The following SLC16A10 variants were observed in gnomAD, a reference collection of about 807,000 sequenced individuals.
SLC16A10 encodes the protein solute carrier family 16 member 10.
A neutral mutation model predicts 40.0 loss-of-function variants in SLC16A10; 27 were observed. The observed-to-expected ratio is 0.67, with a 90% confidence interval of 0.50 to 0.93. The LOEUF (loss-of-function observed/expected upper bound fraction) is 0.93, where lower values mean the gene tolerates loss of function less well. Among genes scored for constraint, SLC16A10 ranks in the 40% least tolerant of loss-of-function variants. The pLI, the probability that SLC16A10 is intolerant of heterozygous loss-of-function variation, is 0.00. For missense variants in SLC16A10, 529 were observed against 658.2 expected (o/e 0.80, Z 2.15); for synonymous variants, 213 against 249.8 (o/e 0.85, Z 1.39).
intron 1 of SLC16A10, among the ~76,000 whole-genome samples, chr6:111,146,736 C>CAA (rs58677368): frequency 5.2e-5 from 7 of 134,066 alleles, no homozygotes; most frequent in Non-Finnish European, 8.0e-5. Context: ...GACTCCGTCT[C>CAA]AAAAAAAAAA....
intron 1 of SLC16A10, among the ~76,000 whole-genome samples, chr6:111,160,307 C>T (rs1044301327): frequency 3.3e-5 from 5 of 152,188 alleles, no homozygotes; most frequent in Non-Finnish European, 5.9e-5. Flanking sequence ...AGTGCAGTCT[C>T]AGCTCACTGC....
At chr6:111,123,483 G>T (rs896370540) in intron 1 of SLC16A10, among the ~76,000 whole-genome samples, 3 of 152,194 alleles carry the variant, frequency 2.0e-5, no homozygotes, top group African/African-American at 4.8e-5. Flanking sequence ...CTAGACAAGG[G>T]TCTTTGTCTG....
chr6:111,178,726 A>T (rs1386513332), intron 3 of SLC16A10: 1 of 205,010 alleles, frequency 4.9e-6, no homozygotes, highest in Admixed American at 6.1e-5. Flanking sequence ...TATGTTTGTG[A>T]ACTTGGATTT....
intron 4 of SLC16A10, among the ~76,000 whole-genome samples, chr6:111,215,193 A>G (rs1478840438): frequency 6.6e-6 from 1 of 152,196 alleles, no homozygotes; most frequent in East Asian, 1.9e-4. Flanking sequence ...CTTTTACTTG[A>G]ATAATTTTTA....
intron 1 of SLC16A10, among the ~76,000 whole-genome samples, chr6:111,102,394 A>G (rs546609330): frequency 1.2e-4 from 18 of 152,322 alleles, no homozygotes; most frequent in African/African-American, 4.1e-4. Context: ...ATTTTTTAAA[A>G]GTAGTTTAAA....
intron 5 of SLC16A10, among the ~76,000 whole-genome samples, chr6:111,219,831 G>A (rs1001937814): frequency 5.9e-5 from 9 of 152,124 alleles, no homozygotes; most frequent in African/African-American, 2.2e-4. Flanking sequence ...TGTAATCCCA[G>A]CACTTTGAGA....
intron 1 of SLC16A10, among the ~76,000 whole-genome samples, chr6:111,128,233 C>T (rs1299141997): frequency 2.0e-5 from 3 of 152,078 alleles, no homozygotes; most frequent in Admixed American, 6.6e-5. Flanking sequence ...TGAGTGCTTA[C>T]GAAGAGCCAG....
intron 3 of SLC16A10, among the ~76,000 whole-genome samples, chr6:111,193,485 G>GT (rs1298436575): frequency 6.6e-6 from 1 of 152,104 alleles, no homozygotes; most frequent in Admixed American, 6.6e-5. Flanking sequence ...AAACAAGCTT[G>GT]TTTTTTCTTT....
chr6:111,203,293 G>A (rs1285084247), intron 3 of SLC16A10, among the ~76,000 whole-genome samples: 4 of 152,164 alleles, frequency 2.6e-5, no homozygotes, highest in Non-Finnish European at 4.4e-5. Context: ...AAAGGATCCA[G>A]AGATCCAGCA....
intron 3 of SLC16A10, among the ~76,000 whole-genome samples, chr6:111,205,015 G>A (rs1228957924): frequency 5.9e-5 from 9 of 152,000 alleles, no homozygotes; most frequent in Admixed American, 5.9e-4. Context: ...TACAAAGATA[G>A]ATTAGCAACA....
intron 1 of SLC16A10, among the ~76,000 whole-genome samples, chr6:111,109,454 ATT>A (rs149807124): frequency 2.2e-4 from 26 of 115,760 alleles, no homozygotes; most frequent in African/African-American, 6.5e-4. Context: ...CCTATGCCAC[ATT>A]TTTTTTTTTT....
At chr6:111,172,170 T>C (rs1163539812) in intron 1 of SLC16A10, among the ~76,000 whole-genome samples, 3 of 152,222 alleles carry the variant, frequency 2.0e-5, no homozygotes, top group Non-Finnish European at 4.4e-5. Context: ...GGAAGTAACC[T>C]GACCAAGAAT....
intron 1 of SLC16A10, among the ~76,000 whole-genome samples, chr6:111,151,485 G>T (rs1772172319): frequency 2.0e-5 from 3 of 152,104 alleles, no homozygotes; most frequent in Admixed American, 2.0e-4. Flanking sequence ...TGGATATCTT[G>T]CTACTTCTGA....
chr6:111,088,258 G>A (rs1430429218), intron 1 of SLC16A10, among the ~76,000 whole-genome samples, 163 bp downstream of exon 1: 1 of 152,182 alleles, frequency 6.6e-6, no homozygotes, highest in Non-Finnish European at 1.5e-5. Context: ...AGAGCCTGCC[G>A]CTTCTGGGGC....
intron 1 of SLC16A10, among the ~76,000 whole-genome samples, chr6:111,147,650 T>C (rs181563482): frequency 1.1e-4 from 17 of 152,354 alleles, no homozygotes; most frequent in African/African-American, 3.8e-4. Context: ...TTTGATAAAT[T>C]AATATTTCAC....
intron 1 of SLC16A10, among the ~76,000 whole-genome samples, chr6:111,104,780 C>T (rs756641879): frequency 3.9e-5 from 6 of 152,012 alleles, no homozygotes; most frequent in African/African-American, 1.4e-4. Flanking sequence ...CTGTCTTGAG[C>T]GGACTCAGGG....
intron 4 of SLC16A10, 59 bp from the exon 5 acceptor site, chr6:111,218,755 A>G (rs1380120397): frequency 7.2e-7 from 1 of 1,386,734 alleles, no homozygotes; most frequent in Non-Finnish European, 1.0e-6. Context: ...AGCATGTTGC[A>G]TGGTAATTGT....
chr6:111,089,256 A>G lies in SLC16A10; in HGVS notation c.343+1161A>G, dbSNP rs201524219. 1.2e-4 allele frequency among the ~76,000 whole-genome samples: 19 copies of G among 152,350 alleles called. No individual in the cohort carries two copies. In the East Asian group the frequency reaches 2.3e-3, roughly 19 times the overall value. On this transcript the variant is annotated intron_variant, in intron 1 of 5. Transcript: ENST00000368851. ...AGTTTTAAAACCTGACATAAATACT[A>G]TTAAACTATTTGTATCATTCTGCAA... is the stretch of plus-strand genomic sequence containing the variant.
At chr6:111,125,538 C>T (rs1271030928) in intron 1 of SLC16A10, among the ~76,000 whole-genome samples, 1 of 152,144 alleles carries the variant, frequency 6.6e-6, no homozygotes, top group Non-Finnish European at 1.5e-5. Context: ...CAAACCGCCC[C>T]TGAAATTCCC....
Sources: gnomAD v4.1 joint callset for allele counts (sites outside exome capture counted in the v4.1 genomes callset) on GRCh38, gnomAD v4.1.1 for gene constraint, MANE v1.5 for transcripts, NCBI Gene and HGNC (gene_info 2026-07-23, HGNC 2026-07-21) for gene names.